LPP: variants seen among roughly 807,000 people sequenced by gnomAD.
The protein encoded by LPP is LIM domain containing preferred translocation partner in lipoma.
A neutral mutation model predicts 60.4 loss-of-function variants in LPP; 38 were observed. The ratio of observed to expected loss-of-function variants is 0.63; its 90% CI spans 0.49 to 0.83. The LOEUF is 0.83. LPP is among the 40% of genes least tolerant of loss of function. LPP has a pLI of 0.00. For missense variants in LPP, 902 were observed against 783.6 expected (o/e 1.15, Z -1.80); for synonymous variants, 328 against 290.8 (o/e 1.13, Z -1.30).
intron 7 of LPP, among the ~76,000 whole-genome samples, chr3:188,702,741 C>CT (rs1864731919): frequency 6.6e-6 from 1 of 152,088 alleles, no homozygotes; most frequent in Admixed American, 6.5e-5. Flanking sequence ...ACAAGAATGT[C>CT]TTTTTTTAAG....
chr3:188,231,660 G>T (rs1257083107), intron 2 of LPP, among the ~76,000 whole-genome samples: 1 of 151,528 alleles, frequency 6.6e-6, no homozygotes, highest in African/African-American at 2.4e-5. Flanking sequence ...CGGTAGTCAA[G>T]GGAGGAACCA....
chr3:188,602,808 C>T (rs966847259), intron 6 of LPP, among the ~76,000 whole-genome samples: 8 of 150,938 alleles, frequency 5.3e-5, no homozygotes, highest in Admixed American at 1.3e-4. Context: ...AGAGAAGTCA[C>T]GTGACTTTCC....
chr3:188,287,736 G>A (rs1744450700), intron 2 of LPP, among the ~76,000 whole-genome samples: 1 of 152,172 alleles, frequency 6.6e-6, no homozygotes, highest in African/African-American at 2.4e-5. Context: ...TAAAGGCAAG[G>A]AGTAATCGTC....
At chr3:188,720,883 C>T (rs76004907) in intron 8 of LPP, among the ~76,000 whole-genome samples, 48 of 152,282 alleles carry the variant, frequency 3.2e-4, no homozygotes, top group African/African-American at 1.0e-3. Flanking sequence ...ACAGTGTACA[C>T]TAGTGACTTG....
intron 3 of LPP, among the ~76,000 whole-genome samples, chr3:188,393,102 T>A (rs531054190): frequency 6.6e-6 from 1 of 152,058 alleles, no homozygotes; most frequent in Admixed American, 6.6e-5. Flanking sequence ...CAAGTATATA[T>A]TATAAAATCA....
At chr3:188,809,586 TG>T (rs1750258663) in intron 9 of LPP, among the ~76,000 whole-genome samples, 1 of 152,228 alleles carries the variant, frequency 6.6e-6, no homozygotes, top group African/African-American at 2.4e-5. Context: ...GTTAGACGTT[TG>T]TCAGATGGAT....
At chr3:188,406,064 T>C in intron 3 of LPP, 48 bp from the exon 4 acceptor site, 1 of 1,497,412 alleles carries the variant, frequency 6.7e-7, no homozygotes, top group Admixed American at 1.8e-5. Context: ...AGGAGTATTG[T>C]CTTCGTTTTC....
chr3:188,602,152 TAA>T (rs1841369629), intron 6 of LPP, among the ~76,000 whole-genome samples: 2 of 126,892 alleles, frequency 1.6e-5, no homozygotes, highest in Non-Finnish European at 3.5e-5. Context: ...CATATATATA[TAA>T]TATATATATA....
intron 6 of LPP, among the ~76,000 whole-genome samples, chr3:188,602,142 C>A (rs1580306174): frequency 1.9e-5 from 2 of 103,704 alleles, no homozygotes; most frequent in African/African-American, 7.4e-5. Flanking sequence ...TTCTTAATCT[C>A]ATATATATAT....
At chr3:188,774,395 C>T (rs1467134513) in intron 9 of LPP, among the ~76,000 whole-genome samples, 1 of 151,742 alleles carries the variant, frequency 6.6e-6, no homozygotes, top group African/African-American at 2.4e-5. Flanking sequence ...ATCTTACCCC[C>T]AAATACATAG....
intron 7 of LPP, among the ~76,000 whole-genome samples, chr3:188,684,007 A>C (rs888757379): frequency 2.6e-5 from 4 of 152,250 alleles, no homozygotes; most frequent in African/African-American, 7.2e-5. Context: ...CTTTACATGA[A>C]CAAGAGAACT....
At chr3:188,843,303 C>T (rs1018084148) in intron 9 of LPP, among the ~76,000 whole-genome samples, 8 of 152,112 alleles carry the variant, frequency 5.3e-5, no homozygotes, top group Non-Finnish European at 8.8e-5. Flanking sequence ...ACTTTTTCTA[C>T]TAGCGTCATG....
At position 188,884,037 on chromosome 3, in the gene LPP, G is replaced by A. The variant is rs1770376893; in HGVS notation, c.*9558G>A. 1 of 221,784 alleles carries A rather than the reference G, an allele frequency of 4.5e-6. No homozygotes were observed. Among genetic ancestry groups the A allele is most frequent in the East Asian group, 6.6e-5 (1 of 15,134 alleles). 13.7% of individuals were successfully genotyped at this position (221,784 alleles called of 1,614,324 possible). ...CCCCAACTTTGAATGAGAGAGCACT[G>A]TAAGCAGAAACTGCCATCAGTCTCC... is the stretch of plus-strand genomic sequence containing the variant. On this transcript the variant is annotated 3_prime_UTR_variant, in exon 12 of 12. Transcript: ENST00000617246.
At chr3:188,194,082 G>A (rs1176435261) in intron 1 of LPP, among the ~76,000 whole-genome samples, 1 of 152,222 alleles carries the variant, frequency 6.6e-6, no homozygotes, top group Non-Finnish European at 1.5e-5. Flanking sequence ...AAATCAGGGT[G>A]CTGAATGGTC....
intron 9 of LPP, among the ~76,000 whole-genome samples, chr3:188,829,548 T>C (rs1756567583): frequency 6.6e-6 from 1 of 152,214 alleles, no homozygotes; most frequent in Non-Finnish European, 1.5e-5. Context: ...ATTTGATACT[T>C]AGAGTCACTG....
At chr3:188,429,056 T>C (rs1267650704) in intron 4 of LPP, among the ~76,000 whole-genome samples, 1 of 152,178 alleles carries the variant, frequency 6.6e-6, no homozygotes, top group African/African-American at 2.4e-5. Flanking sequence ...GTACTTTCTA[T>C]AGTGAGACAG....
chr3:188,595,833 C>T (rs1839878204), intron 6 of LPP, among the ~76,000 whole-genome samples: 1 of 152,100 alleles, frequency 6.6e-6, no homozygotes, highest in South Asian at 2.1e-4. Flanking sequence ...TAAACGCAAT[C>T]CTATTTTTTA....
chr3:188,179,030 GAGAGAGAC>G (rs1723986951), intron 1 of LPP: 1 of 249,194 alleles, frequency 4.0e-6, no homozygotes, highest in East Asian at 1.4e-4. Flanking sequence ...GAGAGGGAGG[GAGAGAGAC>G]AGAGAGAGAG....
intron 6 of LPP, among the ~76,000 whole-genome samples, chr3:188,536,720 T>A (rs1022890398): frequency 4.6e-5 from 7 of 152,252 alleles, no homozygotes; most frequent in Non-Finnish European, 8.8e-5. Context: ...ATATAATATT[T>A]ACTTGTTCCT....
Sources: gnomAD v4.1 joint callset for allele counts (sites outside exome capture counted in the v4.1 genomes callset) on GRCh38, gnomAD v4.1.1 for gene constraint, MANE v1.5 for transcripts, NCBI Gene and HGNC (gene_info 2026-07-23, HGNC 2026-07-21) for gene names.